Variants in RAP1GAP2 observed in about 807,000 individuals in gnomAD.
The protein encoded by RAP1GAP2 is rap1 GTPase-activating protein 2.
Under a neutral mutation model 95.0 loss-of-function variants are expected in RAP1GAP2, and 27 were observed. The observed-to-expected ratio is 0.28, with a 90% confidence interval of 0.21 to 0.39. RAP1GAP2 has a LOEUF of 0.39. Ranked by LOEUF, RAP1GAP2 falls within the 10% of genes least tolerant of loss-of-function variation. RAP1GAP2 has a pLI of 1.00. For missense variants in RAP1GAP2, 771 were observed against 970.0 expected, an observed-to-expected ratio of 0.79 and a Z score of 2.72; for synonymous variants, 373 against 380.9, an observed-to-expected ratio of 0.98 and a Z score of 0.24.
Position 2,963,747 on chromosome 17 carries a change from A to G in RAP1GAP2, c.280-109A>G. 9.9e-7 allele frequency: 1 copy of G among 1,013,754 alleles called. No homozygotes were observed. The highest frequency in any genetic ancestry group is 1.6e-5 in the African/African-American group (1 of 61,396). 62.8% of individuals were successfully genotyped at this position (1,013,754 alleles called of 1,614,324 possible). On this transcript the variant is annotated intron_variant, in intron 6 of 24. Coordinates refer to ENST00000254695, the MANE Select transcript of RAP1GAP2 (RefSeq NM_015085.5). This position sits in a 1 kb window ranked among gnomAD's most constrained non-coding sequence, Gnocchi z 4.8. ...GTCACTGCCTTTGGCCTCAAGTACC[A>G]GTGGGTACCAGGCCCCACTCCTGGG...
chr17:2,803,334 C>T (rs1477554492), intron 2 of RAP1GAP2, among the ~76,000 whole-genome samples: 1 of 152,118 alleles, frequency 6.6e-6, no homozygotes, highest in Non-Finnish European at 1.5e-5. Flanking sequence ...GAAACAAAAA[C>T]CCAGTGTCAT....
intron 8 of RAP1GAP2, among the ~76,000 whole-genome samples, chr17:2,980,067 A>G (rs988413898): frequency 4.6e-5 from 7 of 151,918 alleles, no homozygotes; most frequent in African/African-American, 1.7e-4. Flanking sequence ...TAGCCTCCCA[A>G]GTAGCTGGGA....
intron 7 of RAP1GAP2, 26 bp downstream of exon 7, chr17:2,964,094 G>T: frequency 2.5e-6 from 4 of 1,581,232 alleles, no homozygotes; most frequent in Non-Finnish European, 3.5e-6. Context: ...AGGAGCTGCT[G>T]GGGGTTGGGG....
In RAP1GAP2 at chr17:2,927,609, C is replaced by T. The variant is rs530978163; in HGVS notation, c.165+22241C>T. Among the ~76,000 whole-genome samples, 4 of 152,342 alleles carry T rather than the reference C, an allele frequency of 2.6e-5. No individual in the cohort carries two copies. In the South Asian group the frequency reaches 8.3e-4, roughly 32 times the overall value. On this transcript the variant is annotated intron_variant, in intron 3 of 24. Transcript: ENST00000254695. Reference sequence around the variant, plus strand: ...TTAATTCTAGCCACAACCTGAACTCCCCCTTGCCGTGTAACCTCACACATT... The same window carrying T: ...TTAATTCTAGCCACAACCTGAACTCTCCCTTGCCGTGTAACCTCACACATT...
intron 3 of RAP1GAP2, among the ~76,000 whole-genome samples, chr17:2,919,903 G>A (rs1162938235): frequency 2.0e-5 from 3 of 152,028 alleles, no homozygotes; most frequent in Non-Finnish European, 4.4e-5. Context: ...GTTTCGCCAT[G>A]TTGGCCAGGC....
intron 2 of RAP1GAP2, among the ~76,000 whole-genome samples, chr17:2,873,887 C>G (rs574466968): frequency 1.3e-5 from 2 of 151,886 alleles, no homozygotes; most frequent in African/African-American, 4.8e-5. Flanking sequence ...CTCAGCCTCC[C>G]GAGTAGCTGG....
intron 2 of RAP1GAP2, among the ~76,000 whole-genome samples, chr17:2,824,776 G>A (rs2070474731): frequency 6.6e-6 from 1 of 151,230 alleles, no homozygotes; most frequent in Admixed American, 6.6e-5. Flanking sequence ...AATAGCATAT[G>A]GGTCACAAAT....
chr17:2,969,461 AATAAG>A (rs1360376750), intron 8 of RAP1GAP2, among the ~76,000 whole-genome samples: 4 of 151,100 alleles, frequency 2.6e-5, no homozygotes, highest in Admixed American at 2.0e-4. Context: ...TAAATAAATA[AATAAG>A]ATATGTAAAG....
chr17:2,923,281 G>C (rs2042850606), intron 3 of RAP1GAP2, among the ~76,000 whole-genome samples: 1 of 149,016 alleles, frequency 6.7e-6, no homozygotes, highest in Admixed American at 6.7e-5. Flanking sequence ...CTCGTGATCT[G>C]CCCGCCTCGG....
chr17:2,878,388 G>T (rs569973133), intron 2 of RAP1GAP2, among the ~76,000 whole-genome samples: 1 of 152,156 alleles, frequency 6.6e-6, no homozygotes, highest in African/African-American at 2.4e-5. Flanking sequence ...AGTCGTCCTT[G>T]GGTTGGTGGG....
Position 2,797,710 on chromosome 17 carries a change from G to A in RAP1GAP2, c.44+1139G>A. 1 of 985,422 alleles carries A rather than the reference G, an allele frequency of 1.0e-6. No individual in the cohort carries two copies. The highest frequency in any genetic ancestry group is 1.2e-6 in the Non-Finnish European group (1 of 829,930). 61.0% of individuals were successfully genotyped at this position (985,422 alleles called of 1,614,324 possible). A position where few individuals can be genotyped will look rare whatever the true frequency, so the allele number is the denominator to read the frequency against. ...GCAGATGGGATGGTGCGGATGAGAAGATGGCACAGCGTCGCCTGTGTCTGC... is the reference window on the plus strand; with the variant it reads ...GCAGATGGGATGGTGCGGATGAGAAAATGGCACAGCGTCGCCTGTGTCTGC... On this transcript the variant is annotated intron_variant, in intron 1 of 24. Transcript: ENST00000254695. This position sits in a 1 kb window ranked among gnomAD's most constrained non-coding sequence, Gnocchi z 5.6.
intron 12 of RAP1GAP2, among the ~76,000 whole-genome samples, chr17:2,992,278 A>C (rs2045787370): frequency 6.7e-6 from 1 of 148,360 alleles, no homozygotes; most frequent in Admixed American, 6.8e-5. Context: ...CTCCTGCATC[A>C]GCCTCCCGAG....
chr17:2,962,984 T>A, intron 5 of RAP1GAP2: 4 of 538,260 alleles, frequency 7.4e-6, no homozygotes, highest in Non-Finnish European at 1.3e-5. Context: ...GGCCCGGCTC[T>A]TCCCTACCCT....
At chr17:2,809,581 C>T (rs2069669413) in intron 2 of RAP1GAP2, among the ~76,000 whole-genome samples, 1 of 152,202 alleles carries the variant, frequency 6.6e-6, no homozygotes, top group Admixed American at 6.5e-5. Flanking sequence ...GGCTTCCTCG[C>T]TGGTCTCCCC....
At chr17:2,934,681 T>G (rs1156340038) in intron 3 of RAP1GAP2, among the ~76,000 whole-genome samples, 1 of 152,234 alleles carries the variant, frequency 6.6e-6, no homozygotes, top group Non-Finnish European at 1.5e-5. Context: ...TTAACAACTC[T>G]GAAATCAGGG....
rs976371619 is a variant in RAP1GAP2 at position 2,902,967 on chromosome 17, C to T, written c.81-2317C>T. The stretch of plus-strand genomic sequence containing the variant: ...TAGACAGCATGACTGTGTGTATGAG[C>T]GTCCAGTGACCGGTGATGTTAAAAC... On this transcript the variant is annotated intron_variant, in intron 2 of 24. Transcript: ENST00000254695. The surrounding 1 kb of genome is among the most constrained non-coding windows in gnomAD (Gnocchi z 4.1). Among the ~76,000 whole-genome samples the T allele has an allele frequency of 8.5e-5, 13 of 152,192 alleles. No homozygotes were observed. Among genetic ancestry groups the T allele is most frequent in the African/African-American group, 2.9e-4 (12 of 41,432 alleles).
rs775523912 is a variant in RAP1GAP2 at position 3,018,105 on chromosome 17, C to T, written c.1539C>T (p.Gly513=). ...GCCACTCCATGGAGACCATGGTGGG[C>T]GGCCAGAAGAAGTCGCACAGTGGGG... The part of the protein sequence containing the change: ...VRSHSMETMV[G]GQKKSHSGGI... The change falls in exon 18 of 25, where the codon GGC becomes GGT. Residue 513 remains glycine, a synonymous_variant. Transcript: ENST00000254695. 45 of 1,591,078 alleles carry T rather than the reference C, an allele frequency of 2.8e-5. 1 individual carries two copies. The South Asian group carries it at 2.9e-4, about 10-fold the overall frequency.
upstream of RAP1GAP2, among the ~76,000 whole-genome samples, chr17:2,775,019 C>A (rs1253860460): frequency 6.7e-6 from 1 of 149,810 alleles, no homozygotes; most frequent in Non-Finnish European, 1.5e-5. Flanking sequence ...TTAGTAGAGA[C>A]AGTGGTTTCA....
At position 2,824,986 on chromosome 17, in the gene RAP1GAP2, C is replaced by T. The variant is rs566129568; in HGVS notation, c.80+24436C>T. ...AGGAGACAAGGTGTTGCTCTGTCCC[C>T]CAGGCTGGAGTGCAGTGGCATAATT... is the stretch of plus-strand genomic sequence containing the variant. On this transcript the variant is annotated intron_variant, in intron 2 of 24. Transcript: ENST00000254695. 2.0e-5 allele frequency among the ~76,000 whole-genome samples: 3 copies of T among 152,216 alleles called. 1 individual carries two copies. In the South Asian group the frequency reaches 6.3e-4, roughly 32 times the overall value.
Sources: gnomAD v4.1 joint callset for allele counts (sites outside exome capture counted in the v4.1 genomes callset) on GRCh38, gnomAD v4.1.1 for gene constraint, Gnocchi (gnomAD v3.1) non-coding constraint, MANE v1.5 for transcripts, NCBI Gene and HGNC (gene_info 2026-07-23, HGNC 2026-07-21) for gene names.